The following WNK3 variants were observed in gnomAD, a reference collection of about 807,000 sequenced individuals.
The protein encoded by WNK3 is serine/threonine-protein kinase WNK3.
A neutral mutation model predicts 116.7 loss-of-function variants in WNK3; 18 were observed. That is an observed-to-expected ratio of 0.15 (90% CI 0.11 to 0.23). WNK3 has a LOEUF of 0.23. Ranked by LOEUF, WNK3 falls within the 10% of genes least tolerant of loss-of-function variation. The probability of loss-of-function intolerance (pLI) is 1.00; values close to 1 mark genes in which losing one functional copy is unlikely to be tolerated. For missense variants in WNK3, 993 were observed against 1,323.8 expected (o/e 0.75, Z 3.88); for synonymous variants, 404 against 469.4 (o/e 0.86, Z 1.80).
chrX:54,207,463 G>A (rs782335309), intron 22 of WNK3, among the ~76,000 whole-genome samples: 23 of 106,016 alleles, frequency 2.2e-4, no homozygotes, highest in African/African-American at 7.2e-4. Context: ...TCTATCTATT[G>A]ACAATACTCT....
At chrX:54,333,140 C>A (rs373205842) in exon 2 of WNK3, 2 of 1,182,377 alleles carry the variant, frequency 1.7e-6, no homozygotes, top group Non-Finnish European at 2.3e-6. Context: ...TACCTACCTG[C>A]AGCTCACACC....
At chrX:54,271,395 G>A (rs1420918468) in intron 10 of WNK3, among the ~76,000 whole-genome samples, 2 of 111,489 alleles carry the variant, frequency 1.8e-5, no homozygotes, top group Non-Finnish European at 3.8e-5. Context: ...TAAATGAAAC[G>A]TCAGTTTCGG....
chrX:54,305,408 T>C (rs1293667637), intron 5 of WNK3, among the ~76,000 whole-genome samples: 1 of 111,259 alleles, frequency 9.0e-6, no homozygotes, highest in Non-Finnish European at 1.9e-5. Flanking sequence ...AATCAGCAAA[T>C]ACTAGAAGTC....
At chrX:54,321,533 A>G (rs1557172249) in intron 2 of WNK3, among the ~76,000 whole-genome samples, 1 of 111,817 alleles carries the variant, frequency 8.9e-6, no homozygotes, top group South Asian at 3.8e-4. Context: ...AATGAAATAA[A>G]CAGACACTGA....
intron 1 of WNK3, among the ~76,000 whole-genome samples, chrX:54,335,032 G>A (rs1156793415): frequency 9.0e-6 from 1 of 110,749 alleles, no homozygotes; most frequent in South Asian, 3.9e-4. Context: ...AGGCCGAGGC[G>A]GGCAGATCAC....
intron 10 of WNK3, among the ~76,000 whole-genome samples, chrX:54,276,650 T>TA (rs1465599714): frequency 2.9e-5 from 3 of 103,515 alleles, no homozygotes; most frequent in East Asian, 3.0e-4. Flanking sequence ...TATCAACAAG[T>TA]AAAAAAAAAC....
intron 17 of WNK3, among the ~76,000 whole-genome samples, chrX:54,245,145 C>CGTGT (rs782272022): frequency 0.056 from 4,770 of 84,596 alleles, 187 homozygotes; most frequent in Middle Eastern, 0.12. Flanking sequence ...CATATATATG[C>CGTGT]GTGTGTGTGT....
exon 24 of WNK3, chrX:54,197,104 A>G (rs1302759434): frequency 4.5e-5 from 5 of 112,197 alleles, no homozygotes; most frequent in Non-Finnish European, 9.4e-5. Flanking sequence ...TGTGTCAAGT[A>G]AATTTCACTT....
At position 54,298,301 on chromosome X, in the gene WNK3, T is replaced by C. The variant is rs782383167; in HGVS notation, c.1272A>G (p.Ser424=). The C allele has an allele frequency of 1.2e-5, 15 of 1,209,044 alleles. No homozygotes were observed. In the Middle Eastern group the frequency reaches 6.9e-4, roughly 55 times the overall value. ...CAACCCAGAGTCTTAAAGCAAGGGA[T>C]GAATTTGAGCAATCATCTTCTTCTG... Residue 424 remains serine (S), a synonymous_variant, in exon 7 of 24, where the codon TCA becomes TCG. Transcript: ENST00000354646.
intron 1 of WNK3, among the ~76,000 whole-genome samples, chrX:54,344,656 G>A (rs1368044436): frequency 1.7e-4 from 19 of 112,077 alleles, no homozygotes; most frequent in African/African-American, 6.1e-4. Context: ...AATATTTGAG[G>A]CCGGGCGCCT....
intron 22 of WNK3, among the ~76,000 whole-genome samples, chrX:54,226,473 A>ACGAAAC (rs1569535956): frequency 1.9e-5 from 2 of 102,830 alleles, no homozygotes; most frequent in African/African-American, 7.0e-5. Flanking sequence ...CTGTCTCAAA[A>ACGAAAC]AAAAAAAAAA....
Position 54,293,333 on chromosome X carries a change from A to T in WNK3, c.1694-6T>A. 3 of 1,181,074 alleles carry T rather than the reference A, an allele frequency of 2.5e-6. No individual in the cohort carries two copies. The highest frequency in any genetic ancestry group is 3.4e-6 in the Non-Finnish European group (3 of 881,634). ...TGCCTCAGACAAATTGTCACCTATAAAAAAAGAAAATAAGTAACAGGTAGA... is the reference window on the plus strand; with the variant it reads ...TGCCTCAGACAAATTGTCACCTATATAAAAAGAAAATAAGTAACAGGTAGA... On this transcript the variant is annotated splice_region_variant and splice_polypyrimidine_tract_variant and intron_variant, in intron 8 of 23. Coordinates refer to ENST00000354646, the Ensembl canonical transcript of WNK3.
At chrX:54,354,921 T>C (rs957703224) in intron 1 of WNK3, among the ~76,000 whole-genome samples, 29 of 109,340 alleles carry the variant, frequency 2.7e-4, no homozygotes, top group East Asian at 8.6e-4. Flanking sequence ...CCATCTCTAC[T>C]AAAAATACAA....
In WNK3 at chrX:54,294,866, A is replaced by T; in HGVS notation, c.1399-19T>A. ...ACTTGACCTACAAACAAAACATAAT[A>T]AGCAAACTACTTCTTTAACATTTAA... On this transcript the variant is annotated intron_variant, in intron 7 of 23. Coordinates refer to ENST00000354646, the Ensembl canonical transcript of WNK3. 1 of 1,137,918 alleles carries T rather than the reference A, an allele frequency of 8.8e-7. No individual in the cohort carries two copies. The highest frequency in any genetic ancestry group is 1.2e-6 in the Non-Finnish European group (1 of 859,569). 93.8% of individuals were successfully genotyped at this position (1,137,918 alleles called of 1,213,427 possible).
chrX:54,329,096 G>A (rs2069137978), intron 2 of WNK3, among the ~76,000 whole-genome samples: 1 of 111,949 alleles, frequency 8.9e-6, no homozygotes, highest in Non-Finnish European at 1.9e-5. Context: ...TGCCTACTGT[G>A]TTTCAGCTAG....
At chrX:54,289,250 G>T (rs1272365283) in intron 10 of WNK3, among the ~76,000 whole-genome samples, 2 of 103,623 alleles carry the variant, frequency 1.9e-5, no homozygotes, top group Non-Finnish European at 4.0e-5. Context: ...ACAGTGTAAA[G>T]AGGATGCTCC....
chrX:54,268,868 G>A (rs939491173), intron 10 of WNK3, among the ~76,000 whole-genome samples: 16 of 111,556 alleles, frequency 1.4e-4, no homozygotes, highest in Non-Finnish European at 2.4e-4. Flanking sequence ...ATAAATGGAT[G>A]CTAAAACTAG....
intron 5 of WNK3, among the ~76,000 whole-genome samples, chrX:54,307,003 G>A (rs1338677480): frequency 9.1e-6 from 1 of 109,750 alleles, no homozygotes; most frequent in Non-Finnish European, 1.9e-5. Flanking sequence ...GCCGAGGTGG[G>A]CGAATCACAA....
intron 2 of WNK3, among the ~76,000 whole-genome samples, chrX:54,318,412 G>A (rs2068988556): frequency 1.8e-5 from 2 of 109,210 alleles, no homozygotes; most frequent in South Asian, 8.0e-4. Context: ...TAGACATTTT[G>A]CCACAATAAA....
Sources: allele counts gnomAD v4.1 joint callset (sites outside exome capture counted in the v4.1 genomes callset), GRCh38; gene constraint gnomAD v4.1.1; transcripts MANE v1.5; gene names NCBI Gene and HGNC (gene_info 2026-07-23, HGNC 2026-07-21).